PHEX: variants seen among roughly 807,000 people sequenced by gnomAD.
PHEX encodes the protein phosphate regulating endopeptidase X-linked.
A neutral mutation model predicts 68.0 loss-of-function variants in PHEX; 16 were observed. That is an observed-to-expected ratio of 0.24 (90% CI 0.16 to 0.36). The LOEUF (loss-of-function observed/expected upper bound fraction) is 0.36, where lower values mean the gene tolerates loss of function less well. Ranked by LOEUF, PHEX falls within the 10% of genes least tolerant of loss-of-function variation. The pLI is 1.00. For missense variants in PHEX, 480 were observed against 575.5 expected, an observed-to-expected ratio of 0.83 and a Z score of 1.70; for synonymous variants, 208 against 205.1, an observed-to-expected ratio of 1.01 and a Z score of -0.12.
At chrX:22,229,162 G>GTCTT (rs770760945) in intron 20 of PHEX, among the ~76,000 whole-genome samples, 2 of 112,069 alleles carry the variant, frequency 1.8e-5, no homozygotes, top group South Asian at 3.7e-4. Flanking sequence ...TTGGTGCCAA[G>GTCTT]TCTTTGCCAT....
intron 16 of PHEX, among the ~76,000 whole-genome samples, chrX:22,215,084 A>G (rs1347948271): frequency 8.9e-6 from 1 of 111,953 alleles, no homozygotes; most frequent in Non-Finnish European, 1.9e-5. Context: ...TTGTGGTTAT[A>G]TAGCTGGAGA....
At chrX:22,233,062 A>G (rs1337913199) in intron 20 of PHEX, among the ~76,000 whole-genome samples, 1 of 111,522 alleles carries the variant, frequency 9.0e-6, no homozygotes, top group Non-Finnish European at 1.9e-5. Context: ...TATGAAGCTT[A>G]GTTTGGCTGG....
intron 15 of PHEX, among the ~76,000 whole-genome samples, chrX:22,209,940 TA>T (rs200608326): frequency 1.4e-3 from 127 of 91,148 alleles, no homozygotes; most frequent in Middle Eastern, 6.2e-3. Flanking sequence ...GTTGAAATGG[TA>T]AAAAAAAAAA....
intron 12 of PHEX, among the ~76,000 whole-genome samples, chrX:22,165,288 A>C (rs1337306470): frequency 8.9e-6 from 1 of 111,819 alleles, no homozygotes; most frequent in Admixed American, 9.5e-5. Context: ...TAAGTGATTC[A>C]TTAAACAAAT....
rs920676786 is a variant in PHEX at position 22,092,752 on chromosome X, T to TTTTTTTC, written c.733-1225_733-1224insCTTTTTT. ...ACTTCTTTTCTTTTCTTTCTTTCTT[T>TTTTTTTC]TTTTTTTTTTTTTTTGAGATGGAAT... On this transcript the variant is annotated intron_variant, in intron 6 of 21. Coordinates refer to ENST00000379374, the MANE Select transcript of PHEX (RefSeq NM_000444.6). Among the ~76,000 whole-genome samples, 13 of 81,326 alleles carry TTTTTTTC rather than the reference T, an allele frequency of 1.6e-4. 1 individual carries two copies. The highest frequency in any genetic ancestry group is 8.2e-4 in the African/African-American group (12 of 14,666). The allele number at this position is 81,326 out of a possible 115,157, so 70.6% of individuals were successfully genotyped here.
intron 15 of PHEX, among the ~76,000 whole-genome samples, chrX:22,190,800 G>A (rs1934174644): frequency 9.0e-6 from 1 of 110,984 alleles, no homozygotes; most frequent in Non-Finnish European, 1.9e-5. Context: ...TTTCATAATG[G>A]CCTTACTGAT....
At chrX:22,161,830 T>A (rs901979995) in intron 12 of PHEX, among the ~76,000 whole-genome samples, 1 of 112,229 alleles carries the variant, frequency 8.9e-6, no homozygotes, top group Non-Finnish European at 1.9e-5. Context: ...TACATTCTAT[T>A]ATAAACTAGT....
At chrX:22,110,944 C>T (rs983598609) in intron 9 of PHEX, among the ~76,000 whole-genome samples, 4 of 111,693 alleles carry the variant, frequency 3.6e-5, no homozygotes, top group Admixed American at 9.5e-5. Flanking sequence ...TGTGTAGACA[C>T]GCCGATTAAC....
chrX:22,198,196 C>T (rs1301669864), intron 15 of PHEX, among the ~76,000 whole-genome samples: 1 of 101,236 alleles, frequency 9.9e-6, no homozygotes. Context: ...ATTATATATA[C>T]TTATATATAT....
At position 22,245,393 on chromosome X, in the gene PHEX, A is replaced by G; in HGVS notation, c.2131A>G (p.Ser711Gly). ...AGAACAAGTCCAAATTGGTGCTCAC[A>G]GTCCCCCTCAGTTTAGGTAAATGGG... Reference protein sequence around the residue: ...AREQVQIGAHSPPQFRVNGAI... With the variant: ...AREQVQIGAHGPPQFRVNGAI... The change falls in exon 21 of 22, where the codon AGT becomes GGT. Residue 711 changes from serine (S) to glycine (G), a missense_variant. Transcript: ENST00000379374. The G allele has an allele frequency of 8.3e-7, 1 of 1,201,935 alleles. No homozygotes were observed. The highest frequency in any genetic ancestry group is 1.8e-5 in the South Asian group (1 of 56,672).
At chrX:22,162,533 G>A (rs1348757501) in intron 12 of PHEX, among the ~76,000 whole-genome samples, 1 of 112,005 alleles carries the variant, frequency 8.9e-6, no homozygotes, top group Non-Finnish European at 1.9e-5. Context: ...CTTTCTTGGT[G>A]TAGTCTACAA....
At chrX:22,147,195 A>T (rs1363162279) in intron 12 of PHEX, among the ~76,000 whole-genome samples, 3 of 112,099 alleles carry the variant, frequency 2.7e-5, no homozygotes, top group Non-Finnish European at 5.6e-5. Flanking sequence ...TATATGAGGA[A>T]TTCACTTAAA....
At chrX:22,170,291 A>G (rs745673929) in intron 13 of PHEX, among the ~76,000 whole-genome samples, 4 of 111,500 alleles carry the variant, frequency 3.6e-5, no homozygotes, top group East Asian at 5.6e-4. Context: ...TACTATTGGT[A>G]TATATTCTGA....
At chrX:22,113,283 C>T (rs932486346) in intron 10 of PHEX, among the ~76,000 whole-genome samples, 3 of 111,522 alleles carry the variant, frequency 2.7e-5, no homozygotes, top group Non-Finnish European at 5.6e-5. Context: ...CATCGCTTAC[C>T]TCTGAGAGAG....
intron 8 of PHEX, chrX:22,097,805 T>C (rs762809146): frequency 3.3e-5 from 16 of 489,894 alleles, no homozygotes; most frequent in Non-Finnish European, 4.0e-5. Flanking sequence ...TCTTGCTGTG[T>C]CATCCAGGCT....
chrX:22,214,933 CTGCTTT>C (rs1935038693), intron 16 of PHEX, among the ~76,000 whole-genome samples: 2 of 111,286 alleles, frequency 1.8e-5, no homozygotes, highest in Non-Finnish European at 3.8e-5. Flanking sequence ...TCAATTTGCC[CTGCTTT>C]TAAGTTTAGA....
intron 2 of PHEX, among the ~76,000 whole-genome samples, chrX:22,041,728 G>A (rs890760148): frequency 9.0e-6 from 1 of 110,573 alleles, no homozygotes; most frequent in African/African-American, 3.3e-5. Context: ...TCTTGCAGAT[G>A]TGTGAAATGG....
intron 12 of PHEX, among the ~76,000 whole-genome samples, chrX:22,164,551 G>A (rs1933246640): frequency 9.0e-6 from 1 of 111,482 alleles, no homozygotes; most frequent in Admixed American, 9.6e-5. Flanking sequence ...CCAGAGATGA[G>A]GTTTAAAAAA....
At chrX:22,234,008 G>A (rs1054724621) in intron 20 of PHEX, among the ~76,000 whole-genome samples, 3 of 108,768 alleles carry the variant, frequency 2.8e-5, no homozygotes, top group Admixed American at 1.9e-4. Context: ...TAGTAGACGT[G>A]CTGTTCCTTT....
Sources: allele counts gnomAD v4.1 joint callset (sites outside exome capture counted in the v4.1 genomes callset), GRCh38; gene constraint gnomAD v4.1.1; transcripts MANE v1.5; gene names NCBI Gene and HGNC (gene_info 2026-07-23, HGNC 2026-07-21).